Variants in ARSF observed in about 807,000 individuals in gnomAD.
The protein encoded by ARSF is arylsulfatase F.
ARSF carries 33 observed loss-of-function variants against 35.4 expected under a neutral mutation model. The observed-to-expected ratio is 0.93, with a 90% CI of 0.71 to 1.25. The LOEUF (loss-of-function observed/expected upper bound fraction) is 1.25. ARSF is among the 50% of genes most tolerant of loss of function. The pLI is 0.00. For missense variants in ARSF, 501 were observed against 480.2 expected (o/e 1.04, Z -0.40); for synonymous variants, 222 against 193.1 (o/e 1.15, Z -1.24).
At chrX:3,047,183 A>ATT (rs375167618) in intron 1 of ARSF, among the ~76,000 whole-genome samples, 1 of 103,426 alleles carries the variant, frequency 9.7e-6, no homozygotes. Context: ...AGTATGTTTA[A>ATT]TTTTTTTTTT....
In ARSF at chrX:3,055,124, C is replaced by T. The variant is rs750298651; in HGVS notation, c.-28-12949C>T. 6.6e-5 allele frequency among the ~76,000 whole-genome samples: 7 copies of T among 106,717 alleles called. No homozygotes were observed. In the South Asian group the frequency reaches 1.3e-3, roughly 20 times the overall value. The allele number at this position is 106,717 out of a possible 115,157, so 92.7% of individuals were successfully genotyped here. On this transcript the variant is annotated intron_variant, in intron 1 of 10. Coordinates refer to ENST00000381127, the MANE Select transcript of ARSF (RefSeq NM_001201539.2). The stretch of plus-strand genomic sequence containing the variant: ...TTGGGAGGCCAAGACGGGCAGATCA[C>T]CTGAGGTCAGGAGTTCGAGACCAGC...
intron 5 of ARSF, 152 bp downstream of exon 5, chrX:3,081,165 A>G: frequency 1.3e-6 from 1 of 781,178 alleles, no homozygotes; most frequent in Non-Finnish European, 1.7e-6. Context: ...GTACTTTGGG[A>G]GGCCAAGGTG....
Position 3,072,010 on chromosome X carries a change from C to T in ARSF, c.12-16C>T, listed in dbSNP as rs2090107848. On this transcript the variant is annotated splice_polypyrimidine_tract_variant and intron_variant, in intron 2 of 10. Transcript: ENST00000381127. The stretch of plus-strand genomic sequence containing the variant: ...AGAGAAGCCTGATACCAATAAAATC[C>T]CTGCTTGCTTTCCAGGAGACCCTTG... 1 of 1,210,300 alleles carries T rather than the reference C, an allele frequency of 8.3e-7. No individual in the cohort carries two copies. Among genetic ancestry groups the T allele is most frequent in the Non-Finnish European group, 1.1e-6 (1 of 894,697 alleles).
At chrX:3,044,853 G>C (rs1241370086) in intron 1 of ARSF, among the ~76,000 whole-genome samples, 9 of 110,051 alleles carry the variant, frequency 8.2e-5, no homozygotes, top group African/African-American at 3.0e-4. Context: ...CATCTGGGCA[G>C]AGAAACGAGG....
intron 1 of ARSF, chrX:3,058,199 G>GT (rs2090026666): frequency 8.9e-6 from 1 of 112,664 alleles, no homozygotes; most frequent in African/African-American, 3.2e-5. Context: ...GTTACTGTCT[G>GT]TTTTTTCTTT....
intron 5 of ARSF, among the ~76,000 whole-genome samples, chrX:3,083,770 T>A (rs906672330): frequency 3.6e-5 from 4 of 111,504 alleles, no homozygotes; most frequent in African/African-American, 1.3e-4. Context: ...TATGTATACA[T>A]CTATTCTTCC....
intron 2 of ARSF, among the ~76,000 whole-genome samples, chrX:3,068,761 A>G (rs1367269467): frequency 9.1e-6 from 1 of 110,266 alleles, no homozygotes; most frequent in Non-Finnish European, 1.9e-5. Context: ...TAAAAACAGG[A>G]GGTGAAAAAA....
intron 9 of ARSF, among the ~76,000 whole-genome samples, chrX:3,109,443 T>A (rs910468928): frequency 1.2e-4 from 13 of 112,279 alleles, no homozygotes; most frequent in Admixed American, 6.6e-4. Context: ...TATAAATTTT[T>A]AAAATTCATT....
chrX:3,110,801 G>C (rs1031816751), intron 10 of ARSF, among the ~76,000 whole-genome samples: 15 of 111,770 alleles, frequency 1.3e-4, no homozygotes, highest in Non-Finnish European at 2.3e-4. Flanking sequence ...GGGAGGCTGA[G>C]GCGGTAGAAT....
chrX:3,055,895 T>C (rs1434419312), intron 1 of ARSF, among the ~76,000 whole-genome samples: 1 of 111,304 alleles, frequency 9.0e-6, no homozygotes, highest in Non-Finnish European at 1.9e-5. Flanking sequence ...ATAACCTACT[T>C]GGATTTAAGG....
At chrX:3,092,241 A>G (rs1467459472) in intron 7 of ARSF, among the ~76,000 whole-genome samples, 1 of 110,886 alleles carries the variant, frequency 9.0e-6, no homozygotes, top group African/African-American at 3.3e-5. Flanking sequence ...AGCTATGCAT[A>G]CCCCTCTTAC....
Position 3,079,501 on chromosome X carries a change from C to T in ARSF, c.284-1390C>T, listed in dbSNP as rs748468685. On this transcript the variant is annotated intron_variant, in intron 4 of 10. Coordinates refer to ENST00000381127, the MANE Select transcript of ARSF (RefSeq NM_001201539.2). ...CTGGGATTACAGGCATGTACCACCA[C>T]GCCCAGCTGATTTTGTATTTTTAGT... 7.3e-5 allele frequency among the ~76,000 whole-genome samples: 8 copies of T among 109,166 alleles called. No individual in the cohort carries two copies. In the East Asian group the frequency reaches 1.2e-3, roughly 16 times the overall value. The allele number at this position is 109,166 out of a possible 115,157, so 94.8% of individuals were successfully genotyped here.
chrX:3,108,889 G>A (rs1217987018), intron 9 of ARSF, among the ~76,000 whole-genome samples: 3 of 110,601 alleles, frequency 2.7e-5, no homozygotes, highest in Admixed American at 9.7e-5. Context: ...GGTGGCACAC[G>A]CCTGTAATCG....
Position 3,060,356 on chromosome X carries a change from G to T in ARSF, c.-28-7717G>T, listed in dbSNP as rs769939305. Among the ~76,000 whole-genome samples the T allele has an allele frequency of 1.6e-3, 179 of 112,298 alleles. 1 individual carries two copies. Among genetic ancestry groups the T allele is most frequent in the African/African-American group, 5.2e-3 (162 of 30,959 alleles). On this transcript the variant is annotated intron_variant, in intron 1 of 10. Transcript: ENST00000381127. ...GTAGGTAAAACCACAAAGATGGAGA[G>T]AAACCAGAGCAGAAAAGCTGAAAAT... is the stretch of plus-strand genomic sequence containing the variant.
At chrX:3,085,672 G>A (rs1051478080) in intron 6 of ARSF, among the ~76,000 whole-genome samples, 2 of 111,000 alleles carry the variant, frequency 1.8e-5, no homozygotes, top group Admixed American at 9.7e-5. Context: ...TTTCCATATT[G>A]ATTGAGGCTT....
chrX:3,090,583 G>T (rs1270692742), intron 7 of ARSF, among the ~76,000 whole-genome samples: 2 of 112,180 alleles, frequency 1.8e-5, no homozygotes, highest in African/African-American at 3.2e-5. Flanking sequence ...CGGGAGGATT[G>T]CTTGAGCCCA....
chrX:3,057,474 G>A (rs781071415), intron 1 of ARSF, among the ~76,000 whole-genome samples: 15 of 111,121 alleles, frequency 1.3e-4, no homozygotes, highest in Middle Eastern at 4.7e-3. Flanking sequence ...GTCTTATTAG[G>A]GGGCAGCTGA....
intron 3 of ARSF, among the ~76,000 whole-genome samples, chrX:3,072,993 T>A (rs1477007947): frequency 9.9e-6 from 1 of 100,963 alleles, no homozygotes; most frequent in African/African-American, 3.5e-5. Flanking sequence ...CATATTTCTA[T>A]GTCTATGAAT....
At chrX:3,089,403 G>A (rs765905071) in intron 6 of ARSF, 93 bp from the exon 7 acceptor site, 24 of 1,023,846 alleles carry the variant, frequency 2.3e-5, no homozygotes, top group Non-Finnish European at 3.1e-5. Flanking sequence ...TGGAGAAGAA[G>A]GAAGCAGGTC....
Sources: gnomAD v4.1 joint callset for allele counts (sites outside exome capture counted in the v4.1 genomes callset) on GRCh38, gnomAD v4.1.1 for gene constraint, MANE v1.5 for transcripts, NCBI Gene and HGNC (gene_info 2026-07-23, HGNC 2026-07-21) for gene names.